TEX15: variants seen among roughly 807,000 people sequenced by gnomAD.
The protein encoded by TEX15 is testis-expressed protein 15.
A neutral mutation model predicts 237.3 loss-of-function variants in TEX15; 171 were observed. That is an observed-to-expected ratio of 0.72 (90% CI 0.64 to 0.82). The LOEUF (loss-of-function observed/expected upper bound fraction) is 0.82, where lower values mean the gene tolerates loss of function less well. TEX15 is among the 40% of genes least tolerant of loss of function. The pLI is 0.00. For synonymous variants in TEX15, 1,338 were observed against 1,269.8 expected (o/e 1.05, Z -1.14); for missense variants, 3,750 against 3,646.5 (o/e 1.03, Z -0.73).
In TEX15 at chr8:30,837,964, G is replaced by C. The variant is rs1807349271; in HGVS notation, c.8320C>G (p.Gln2774Glu). ...AAAAGTGAGCCAGGTAGTGATCTTT[G>C]CATTTCAACCTTTTTTGGCGTTAAA... ...NHLTPKKVEMQRSLPGSLLPL... is the reference protein window; with the variant it reads ...NHLTPKKVEMERSLPGSLLPL... Residue 2774 changes from glutamine (Q) to glutamate (E), a missense_variant, in exon 10 of 11, where the codon CAA becomes GAA. Gln to Glu is a conservative substitution (Grantham distance 29). Coordinates refer to ENST00000643185, the MANE Select transcript of TEX15 (RefSeq NM_001350162.2). 6.2e-7 allele frequency: 1 copy of C among 1,613,918 alleles called. No homozygotes were observed.
At chr8:30,841,171 T>C (rs980816677) in intron 8 of TEX15, among the ~76,000 whole-genome samples, 1 of 152,154 alleles carries the variant, frequency 6.6e-6, no homozygotes, top group Non-Finnish European at 1.5e-5. Context: ...CTGCCCACCT[T>C]GGCCTCCCAA....
rs1585282659 is a variant in TEX15 at position 30,844,350 on chromosome 8, T to G, written c.5817A>C (p.Thr1939=). 7 of 1,611,836 alleles carry G rather than the reference T, an allele frequency of 4.3e-6. No individual in the cohort carries two copies. In the East Asian group the frequency reaches 1.6e-4, roughly 36 times the overall value. The change falls in exon 8 of 11, where the codon ACA becomes ACC. Residue 1939 remains threonine, a synonymous_variant. Coordinates refer to ENST00000643185, the MANE Select transcript of TEX15 (RefSeq NM_001350162.2). ...KVSKDSQSDL[T]LHSEIAYISK... ...AAATATAGGCTATTTCTGAATGTAATGTCAAGTCAGACTGCGAGTCTTTAC... is the reference window on the plus strand; with the variant it reads ...AAATATAGGCTATTTCTGAATGTAAGGTCAAGTCAGACTGCGAGTCTTTAC...
chr8:30,848,113 GT>G lies in TEX15; in HGVS notation c.2053del (p.Thr685LeufsTer4), dbSNP rs777906924. ...AGATTTTGTTATTTCTAACTCTTGAGTAATTAATATTTTATCACAGCTTTTC... is the reference window on the plus strand; with the variant it reads ...AGATTTTGTTATTTCTAACTCTTGAGAATTAATATTTTATCACAGCTTTTC... ...FGKSCDKILI[T>X]QELEITKSST... is the part of the protein sequence containing the mutation. On this transcript the variant is annotated frameshift_variant, in exon 8 of 11. Coordinates refer to ENST00000643185, the MANE Select transcript of TEX15 (RefSeq NM_001350162.2). LOFTEE classifies it high-confidence loss of function. 16 of 1,609,472 alleles carry G rather than the reference GT, an allele frequency of 9.9e-6. No individual in the cohort carries two copies. The highest frequency in any genetic ancestry group is 1.4e-5 in the Non-Finnish European group (16 of 1,177,790).
intron 2 of TEX15, among the ~76,000 whole-genome samples, chr8:30,895,520 T>C (rs1184410576): frequency 6.6e-6 from 1 of 151,626 alleles, no homozygotes; most frequent in Non-Finnish European, 1.5e-5. Context: ...GACCTTTCTC[T>C]GCCAATTAAG....
Position 30,838,030 on chromosome 8 carries a change from T to C in TEX15, c.8254A>G (p.Lys2752Glu). 3.7e-6 allele frequency: 6 copies of C among 1,612,746 alleles called. No individual in the cohort carries two copies. The highest frequency in any genetic ancestry group is 5.1e-6 in the Non-Finnish European group (6 of 1,179,674). ...CTGTCACATGAACTTGGTACTATTTTGTTTTCGCTTTTGGGATGAGATCCT... is the reference window on the plus strand; with the variant it reads ...CTGTCACATGAACTTGGTACTATTTCGTTTTCGCTTTTGGGATGAGATCCT... ...TTGSHPKSEN[K>E]IVPSSCDSLK... The change falls in exon 10 of 11, where the codon AAA becomes GAA. Residue 2752 changes from lysine to glutamate, a missense_variant. Physicochemically the swap from Lys to Glu is moderately conservative, Grantham distance 56 (BLOSUM62 1). Transcript: ENST00000643185.
intron 5 of TEX15, among the ~76,000 whole-genome samples, chr8:30,860,574 T>C (rs1808026521): frequency 6.7e-6 from 1 of 150,106 alleles, no homozygotes; most frequent in Non-Finnish European, 1.5e-5. Context: ...TTTTTTTTTT[T>C]TTTTTTTTGA....
chr8:30,854,873 CAAAA>C (rs1217625541), intron 7 of TEX15, among the ~76,000 whole-genome samples: 1 of 151,892 alleles, frequency 6.6e-6, no homozygotes, highest in Non-Finnish European at 1.5e-5. Context: ...AAAACAACAA[CAAAA>C]AAAGTCACAA....
Position 30,842,735 on chromosome 8 carries a change from C to G in TEX15, c.7432G>C (p.Asp2478His). The stretch of plus-strand genomic sequence containing the variant: ...ACCAGCTCAGGAAGAAGTGACAAAT[C>G]AAACCAAAGCATACCTCGAAACCTC... ...KQRFRGMLWF[D>H]LSLLPELVQC... is the part of the protein sequence containing the mutation. Residue 2478 changes from aspartate to histidine, a missense_variant, in exon 8 of 11, where the codon GAT becomes CAT. Physicochemically the swap from Asp to His is moderately conservative, Grantham distance 81. Transcript: ENST00000643185. 6.2e-7 allele frequency: 1 copy of G among 1,613,400 alleles called. No individual in the cohort carries two copies. Among genetic ancestry groups the G allele is most frequent in the South Asian group, 1.1e-5 (1 of 91,000 alleles).
chr8:30,845,849 A>T lies in TEX15; in HGVS notation c.4318T>A (p.Tyr1440Asn). 6.2e-7 allele frequency: 1 copy of T among 1,610,464 alleles called. No individual in the cohort carries two copies. Among genetic ancestry groups the T allele is most frequent in the Non-Finnish European group, 8.5e-7 (1 of 1,179,040 alleles). Reference protein sequence around the residue: ...QGYSSVSQRKYYSTKHFSSKR... With the variant: ...QGYSSVSQRKNYSTKHFSSKR... ...GACGAAAAATGCTTAGTAGAATAAT[A>T]TTTTCTTTGAGACACAGAACTATAA... is the stretch of plus-strand genomic sequence containing the variant. Residue 1440 changes from tyrosine (Y) to asparagine (N), a missense_variant, in exon 8 of 11, where the codon TAT becomes AAT. Physicochemically the swap from Tyr to Asn is moderately radical, Grantham distance 143. Transcript: ENST00000643185.
At chr8:30,891,815 G>A (rs1034797117) in intron 2 of TEX15, among the ~76,000 whole-genome samples, 1 of 152,104 alleles carries the variant, frequency 6.6e-6, no homozygotes, top group Admixed American at 6.6e-5. Context: ...TATTGGTCAT[G>A]TTTCCACATC....
intron 5 of TEX15, among the ~76,000 whole-genome samples, chr8:30,866,222 C>T (rs1179614787): frequency 6.6e-6 from 1 of 151,766 alleles, no homozygotes; most frequent in Non-Finnish European, 1.5e-5. Context: ...GCTTGCACCA[C>T]TGAACTCCAG....
At chr8:30,860,156 T>G (rs1298803377) in intron 5 of TEX15, 99 bp from the exon 6 acceptor site, 2 of 1,106,522 alleles carry the variant, frequency 1.8e-6, no homozygotes, top group African/African-American at 3.2e-5. Flanking sequence ...TGCTTTGTTT[T>G]TCTGAGACAG....
rs1807189789 is a variant in TEX15, at chr8:30,832,054, AAAG to A, written c.*1229_*1231del. 1 of 152,220 alleles carries A rather than the reference AAAG, an allele frequency of 6.6e-6. No individual in the cohort carries two copies. The highest frequency in any genetic ancestry group is 2.1e-4 in the South Asian group (1 of 4,830). 9.4% of individuals were successfully genotyped at this position (152,220 alleles called of 1,614,324 possible). ...TTCCCTTTTTAAAGATCTCTATGTT[AAAG>A]AAGCAGCTTAGGTATTCTGAATTCC... On this transcript the variant is annotated 3_prime_UTR_variant, in exon 11 of 11. Coordinates refer to ENST00000643185, the MANE Select transcript of TEX15 (RefSeq NM_001350162.2).
rs751290933 is a variant in TEX15 at position 30,846,857 on chromosome 8, C to G, written c.3310G>C (p.Gly1104Arg). The G allele has an allele frequency of 6.2e-7, 1 of 1,613,840 alleles. No individual in the cohort carries two copies. The highest frequency in any genetic ancestry group is 2.2e-5 in the East Asian group (1 of 44,878). ...KALKSRISWE[G>R]LLALDNGEME... ...TCCCCGTTATCAAGTGCTAACAGACCTTCCCAACTGATACGAGACTTCAGA... is the reference window on the plus strand; with the variant it reads ...TCCCCGTTATCAAGTGCTAACAGACGTTCCCAACTGATACGAGACTTCAGA... Residue 1104 changes from glycine to arginine, a missense_variant, in exon 8 of 11, where the codon GGT (glycine) becomes CGT (arginine). Transcript: ENST00000643185.
At chr8:30,867,578 T>A (rs779564790) in intron 4 of TEX15, 76 bp from the exon 5 acceptor site, 7 of 808,774 alleles carry the variant, frequency 8.7e-6, no homozygotes, top group Non-Finnish European at 1.4e-5. Flanking sequence ...TATTTCCACT[T>A]ACCACAGTTA....
chr8:30,864,875 G>A (rs1260747006), intron 5 of TEX15, among the ~76,000 whole-genome samples: 1 of 151,918 alleles, frequency 6.6e-6, no homozygotes, highest in Admixed American at 6.6e-5. Flanking sequence ...GTGTGTATAG[G>A]TTTTTTTCTT....
At position 30,846,685 on chromosome 8, in the gene TEX15, G is replaced by C. The variant is rs978554977; in HGVS notation, c.3482C>G (p.Thr1161Ser). Residue 1161 changes from threonine to serine, a missense_variant, in exon 8 of 11, where the codon ACT (threonine) becomes AGT (serine). Coordinates refer to ENST00000643185, the MANE Select transcript of TEX15 (RefSeq NM_001350162.2). ...ILLPDLQIKI[T>S]NIFRPGFSPT... ...GCTGAATCCTGGCCTAAATATATTA[G>C]TAATTTTAATTTGTAGATCTGGAAG... 6.2e-7 allele frequency: 1 copy of C among 1,613,522 alleles called. No individual in the cohort carries two copies. Among genetic ancestry groups the C allele is most frequent in the Non-Finnish European group, 8.5e-7 (1 of 1,179,680 alleles).
At chr8:30,860,094 A>G (rs1808012826) in intron 5 of TEX15, 37 bp from the exon 6 acceptor site, 4 of 1,416,808 alleles carry the variant, frequency 2.8e-6, no homozygotes, top group Non-Finnish European at 3.7e-6. Flanking sequence ...GTACGTAAAA[A>G]TATACCAAAA....
At chr8:30,894,362 T>G (rs141819429) in intron 2 of TEX15, among the ~76,000 whole-genome samples, 2 of 152,330 alleles carry the variant, frequency 1.3e-5, no homozygotes, top group Admixed American at 6.5e-5. Context: ...TCCAACATCT[T>G]AAGTCTCAAC....
Sources: allele counts gnomAD v4.1 joint callset (sites outside exome capture counted in the v4.1 genomes callset), GRCh38; gene constraint gnomAD v4.1.1; transcripts MANE v1.5; gene names NCBI Gene and HGNC (gene_info 2026-07-23, HGNC 2026-07-21).